Variants in RRAGB observed in about 807,000 individuals in gnomAD.
RRAGB encodes Ras related GTP binding B, also known as ras-related GTP-binding protein B.
Under a neutral mutation model 29.3 loss-of-function variants are expected in RRAGB, and 6 were observed. The observed-to-expected ratio is 0.21, with a 90% CI of 0.11 to 0.40. RRAGB has a LOEUF of 0.40. RRAGB is among the 10% of genes least tolerant of loss of function. The pLI, the probability that RRAGB is intolerant of heterozygous loss-of-function variation, is 1.00. For synonymous variants in RRAGB, 101 were observed against 92.5 expected (o/e 1.09, Z -0.53); for missense variants, 184 against 272.9 (o/e 0.67, Z 2.29).
In RRAGB at chrX:55,731,357, C is replaced by T; in HGVS notation, c.294-7C>T. ...TTTGCTTACTATATATATATTTTTT[C>T]TATCAGGCAAGACACCTTCATGGAA... On this transcript the variant is annotated splice_region_variant and splice_polypyrimidine_tract_variant and intron_variant, in intron 4 of 9. Coordinates refer to ENST00000374941, the MANE Select transcript of RRAGB (RefSeq NM_006064.5). 8.5e-7 allele frequency: 1 copy of T among 1,178,434 alleles called. No individual in the cohort carries two copies. The highest frequency in any genetic ancestry group is 1.1e-6 in the Non-Finnish European group (1 of 870,020).
chrX:55,732,383 C>G (rs1208101300), intron 5 of RRAGB, among the ~76,000 whole-genome samples: 10 of 111,707 alleles, frequency 9.0e-5, no homozygotes, highest in Non-Finnish European at 1.5e-4. Context: ...GAAGATCCTC[C>G]TCTATTTCTA....
At chrX:55,747,438 GT>G (rs779438349) in intron 5 of RRAGB, among the ~76,000 whole-genome samples, 2 of 111,190 alleles carry the variant, frequency 1.8e-5, no homozygotes, top group East Asian at 5.7e-4. Flanking sequence ...GGGGGTAAGA[GT>G]TTTTTTTCAG....
chrX:55,746,575 A>G (rs1424111553), intron 5 of RRAGB, among the ~76,000 whole-genome samples: 1 of 111,935 alleles, frequency 8.9e-6, no homozygotes, highest in African/African-American at 3.2e-5. Flanking sequence ...TTACAAATTT[A>G]TTTTTCATAG....
At chrX:55,734,796 G>T (rs1185168244) in intron 5 of RRAGB, among the ~76,000 whole-genome samples, 3 of 111,632 alleles carry the variant, frequency 2.7e-5, no homozygotes, top group African/African-American at 9.8e-5. Flanking sequence ...CACTGCTTTT[G>T]CTATATCCCA....
At chrX:55,735,975 T>G (rs961778926) in intron 5 of RRAGB, among the ~76,000 whole-genome samples, 1 of 112,544 alleles carries the variant, frequency 8.9e-6, no homozygotes, top group Non-Finnish European at 1.9e-5. Context: ...CTGAGAAGTC[T>G]GCTATTAGTC....
rs767590357 is a variant in RRAGB, at chrX:55,718,321, T to C, written c.-7T>C. On this transcript the variant is annotated 5_prime_UTR_variant, in exon 1 of 10. Transcript: ENST00000374941. ...TTTAGAAGGGACTGGAAAGGACTTG[T>C]TGCGCAATGGAAGAATCTGACTCTG... 2 of 1,191,150 alleles carry C rather than the reference T, an allele frequency of 1.7e-6. No homozygotes were observed. The highest frequency in any genetic ancestry group is 3.5e-5 in the African/African-American group (2 of 56,823).
intron 3 of RRAGB, among the ~76,000 whole-genome samples, chrX:55,723,721 TA>T: frequency 9.1e-6 from 1 of 110,152 alleles, no homozygotes; most frequent in Middle Eastern, 4.7e-3. Flanking sequence ...CACATCCAGC[TA>T]ATTTTTTTTA....
intron 9 of RRAGB, 113 bp from the exon 10 acceptor site, chrX:55,758,133 C>G: frequency 2.4e-6 from 1 of 411,630 alleles, no homozygotes; most frequent in African/African-American, 2.5e-5. Context: ...CCTGTATGTT[C>G]TCTGACATAC....
At chrX:55,757,868 A>G (rs1324191348) in intron 9 of RRAGB, among the ~76,000 whole-genome samples, 1 of 111,841 alleles carries the variant, frequency 8.9e-6, no homozygotes, top group Non-Finnish European at 1.9e-5. Context: ...CATAATAACC[A>G]TGACTATCAC....
At chrX:55,729,088 A>T (rs1378628081) in intron 3 of RRAGB, among the ~76,000 whole-genome samples, 1 of 111,080 alleles carries the variant, frequency 9.0e-6, no homozygotes, top group Non-Finnish European at 1.9e-5. Flanking sequence ...ATGACTTAAC[A>T]TGAGAGCCAG....
chrX:55,748,927 C>G (rs766025352), intron 5 of RRAGB, among the ~76,000 whole-genome samples: 1 of 95,901 alleles, frequency 1.0e-5, no homozygotes, highest in Non-Finnish European at 2.1e-5. Context: ...GTCAGCCCCC[C>G]GCCCGGCCAG....
chrX:55,758,219 G>C (rs1288938315), intron 9 of RRAGB, 27 bp from the exon 10 acceptor site: 2 of 1,094,334 alleles, frequency 1.8e-6, no homozygotes, highest in Non-Finnish European at 2.5e-6. Flanking sequence ...ACTTAATTCT[G>C]TTGGGTGTTT....
rs1056950786 is a variant in RRAGB, at chrX:55,753,894, A to T, written c.735+380A>T. 5.4e-5 allele frequency among the ~76,000 whole-genome samples: 6 copies of T among 111,674 alleles called. No homozygotes were observed. In the South Asian group the frequency reaches 1.9e-3, roughly 35 times the overall value. On this transcript the variant is annotated intron_variant, in intron 7 of 9. Transcript: ENST00000374941. ...ACCCCGTCTCTACCAAAAAATACAA[A>T]ATTAGCCAGGTGTGGTGACGCATGC...
rs745990439 is a variant in RRAGB, at chrX:55,721,318, C to A, written c.127-868C>A. On this transcript the variant is annotated intron_variant, in intron 2 of 9. Transcript: ENST00000374941. Reference sequence around the variant, plus strand: ...AGTCTTTGCAATGAAATAACAGTGCCATGGGAGGACAGAGGTAAGACACTT... The same window carrying A: ...AGTCTTTGCAATGAAATAACAGTGCAATGGGAGGACAGAGGTAAGACACTT... Among the ~76,000 whole-genome samples the A allele has an allele frequency of 2.7e-5, 3 of 112,032 alleles. No homozygotes were observed. In the East Asian group the frequency reaches 8.4e-4, roughly 31 times the overall value.
At chrX:55,735,771 ACTC>A (rs1417359291) in intron 5 of RRAGB, among the ~76,000 whole-genome samples, 1 of 111,605 alleles carries the variant, frequency 9.0e-6, no homozygotes, top group Non-Finnish European at 1.9e-5. Flanking sequence ...GATATTTAGA[ACTC>A]CTTTTGCATT....
chrX:55,752,211 C>T (rs750194111), intron 6 of RRAGB: 31 of 749,883 alleles, frequency 4.1e-5, no homozygotes, highest in Non-Finnish European at 4.5e-5. Flanking sequence ...TAATATGGGC[C>T]GAATTTCTCT....
intron 5 of RRAGB, among the ~76,000 whole-genome samples, chrX:55,735,135 C>T (rs1056343912): frequency 8.9e-6 from 1 of 111,844 alleles, no homozygotes; most frequent in African/African-American, 3.2e-5. Flanking sequence ...TCTGTTAAAT[C>T]CACTTTTTCT....
At chrX:55,733,119 C>G (rs1459853908) in intron 5 of RRAGB, among the ~76,000 whole-genome samples, 2 of 111,229 alleles carry the variant, frequency 1.8e-5, no homozygotes, top group East Asian at 5.6e-4. Flanking sequence ...CCTCACCCCC[C>G]ACAACCTCCC....
chrX:55,720,999 G>A (rs754409669), intron 2 of RRAGB, among the ~76,000 whole-genome samples: 79 of 112,348 alleles, frequency 7.0e-4, no homozygotes, highest in Non-Finnish European at 1.3e-3. Flanking sequence ...CTTTTAGTAC[G>A]AGAGTATAGA....
Sources: gnomAD v4.1 joint callset for allele counts (sites outside exome capture counted in the v4.1 genomes callset) on GRCh38, gnomAD v4.1.1 for gene constraint, MANE v1.5 for transcripts, NCBI Gene and HGNC (gene_info 2026-07-23, HGNC 2026-07-21) for gene names.